PGBD5: variants seen among roughly 807,000 people sequenced by gnomAD.
PGBD5 encodes the protein piggyBac transposable element-derived protein 5.
In PGBD5, 14 loss-of-function variants were observed where a neutral mutation model predicts 47.9. The ratio of observed to expected loss-of-function variants is 0.29; its 90% CI spans 0.19 to 0.46. PGBD5 has a LOEUF of 0.46. PGBD5 is among the 20% of genes least tolerant of loss of function. The pLI is 1.00. For synonymous variants in PGBD5, 316 were observed against 306.3 expected (o/e 1.03, Z -0.33); for missense variants, 635 against 716.0 (o/e 0.89, Z 1.29).
chr1:230,330,831 A>G (rs1667202404), intron 5 of PGBD5, among the ~76,000 whole-genome samples: 4 of 152,226 alleles, frequency 2.6e-5, no homozygotes, highest in Admixed American at 2.6e-4. Context: ...ATGATGTAAA[A>G]TAGAATACTT....
chr1:230,343,660 A>C (rs953097941), intron 3 of PGBD5, among the ~76,000 whole-genome samples: 1 of 152,182 alleles, frequency 6.6e-6, no homozygotes, highest in Admixed American at 6.6e-5. Context: ...TGCCCTGCCC[A>C]GCTTCTGAAT....
In PGBD5 at chr1:230,425,992, G is replaced by A; in HGVS notation, c.-64C>T. On this transcript the variant is annotated 5_prime_UTR_variant, in exon 1 of 7. Transcript: ENST00000391860. The surrounding 1 kb of genome is among the most constrained non-coding windows in gnomAD (Gnocchi z 4.7). ...CTCCCAGCCGCACACGCCGGGCCCT[G>A]GGCCCGCGCCGCGGCCCGCCGCCCC... 3.7e-6 allele frequency: 3 copies of A among 813,846 alleles called. No individual in the cohort carries two copies. Among genetic ancestry groups the A allele is most frequent in the Non-Finnish European group, 4.4e-6 (3 of 677,958 alleles). 50.4% of individuals were successfully genotyped at this position (813,846 alleles called of 1,614,324 possible).
intron 3 of PGBD5, among the ~76,000 whole-genome samples, chr1:230,343,194 T>C (rs556872433): frequency 6.6e-6 from 1 of 152,318 alleles, no homozygotes; most frequent in African/African-American, 2.4e-5. Context: ...GGCTGCACCT[T>C]CAGCACCGCT....
At chr1:230,327,735 C>T (rs147156615) in intron 5 of PGBD5, among the ~76,000 whole-genome samples, 5 of 152,356 alleles carry the variant, frequency 3.3e-5, no homozygotes, top group East Asian at 1.9e-4. Flanking sequence ...CCAGGGAGGG[C>T]GTGCGGGCCT....
intron 1 of PGBD5, among the ~76,000 whole-genome samples, chr1:230,388,543 G>A (rs1470801371): frequency 6.6e-6 from 1 of 151,748 alleles, no homozygotes; most frequent in Non-Finnish European, 1.5e-5. Context: ...AGCTTCCCAA[G>A]TAGCTGGGAC....
At chr1:230,324,900 G>A (rs1224395480) in intron 6 of PGBD5, among the ~76,000 whole-genome samples, 1 of 152,200 alleles carries the variant, frequency 6.6e-6, no homozygotes, top group Non-Finnish European at 1.5e-5. Context: ...ATGTGACTTG[G>A]GGTAGAAGTG....
chr1:230,385,105 T>C (rs1422124813), intron 1 of PGBD5, among the ~76,000 whole-genome samples: 2 of 152,166 alleles, frequency 1.3e-5, no homozygotes, highest in African/African-American at 4.8e-5. Flanking sequence ...TCATATGATA[T>C]ATTCACACCC....
intron 1 of PGBD5, among the ~76,000 whole-genome samples, chr1:230,417,300 G>T (rs529208047): frequency 6.6e-6 from 1 of 151,940 alleles, no homozygotes; most frequent in African/African-American, 2.4e-5. Context: ...GAAGGACCCC[G>T]GTGCTTCTCC....
chr1:230,396,844 T>C (rs1341538976), intron 1 of PGBD5, among the ~76,000 whole-genome samples: 24 of 152,154 alleles, frequency 1.6e-4, no homozygotes, highest in Admixed American at 1.5e-3. Context: ...CATGGGATTG[T>C]GTGCGGAGCA....
chr1:230,348,562 G>C (rs1001339322), intron 3 of PGBD5, among the ~76,000 whole-genome samples: 1 of 152,176 alleles, frequency 6.6e-6, no homozygotes, highest in Non-Finnish European at 1.5e-5. Context: ...ACGGTGTAAG[G>C]TATTATTCTG....
At chr1:230,341,105 C>A (rs114499957) in intron 3 of PGBD5, among the ~76,000 whole-genome samples, 27 of 152,014 alleles carry the variant, frequency 1.8e-4, no homozygotes, top group Admixed American at 4.6e-4. Context: ...AAAGAGAGTC[C>A]CAAATGTGTG....
chr1:230,335,118 GAT>G (rs1667283484), intron 4 of PGBD5, among the ~76,000 whole-genome samples: 1 of 103,492 alleles, frequency 9.7e-6, no homozygotes, highest in African/African-American at 3.6e-5. Flanking sequence ...CAGATACACA[GAT>G]ACAGACACAT....
intron 5 of PGBD5, among the ~76,000 whole-genome samples, chr1:230,327,731 A>G (rs1667145499): frequency 6.6e-6 from 1 of 152,182 alleles, no homozygotes; most frequent in South Asian, 2.1e-4. Flanking sequence ...GGCGCCAGGG[A>G]GGGCGTGCGG....
chr1:230,330,246 G>A (rs150368765), intron 5 of PGBD5, among the ~76,000 whole-genome samples: 61 of 152,282 alleles, frequency 4.0e-4, no homozygotes, highest in African/African-American at 8.4e-4. Flanking sequence ...AAGTAGTGCC[G>A]GTAAAGCTGG....
intron 2 of PGBD5, among the ~76,000 whole-genome samples, chr1:230,351,795 G>C (rs1394027054): frequency 6.6e-6 from 1 of 151,916 alleles, no homozygotes; most frequent in African/African-American, 2.4e-5. Flanking sequence ...AGATTCCCAA[G>C]GCAATTTTGA....
At chr1:230,339,019 C>A (rs1667370325) in intron 3 of PGBD5, among the ~76,000 whole-genome samples, 1 of 152,158 alleles carries the variant, frequency 6.6e-6, no homozygotes, top group Non-Finnish European at 1.5e-5. Context: ...TCAACACCCA[C>A]ATTACTGTTT....
intron 1 of PGBD5, among the ~76,000 whole-genome samples, chr1:230,422,217 AC>A (rs1347917659): frequency 1.3e-5 from 2 of 152,198 alleles, no homozygotes; most frequent in Non-Finnish European, 2.9e-5. Flanking sequence ...CAAAGGACTG[AC>A]AAACCAAACA....
chr1:230,375,147 C>T (rs1184249601), intron 1 of PGBD5, among the ~76,000 whole-genome samples: 1 of 152,186 alleles, frequency 6.6e-6, no homozygotes, highest in Non-Finnish European at 1.5e-5. Flanking sequence ...GAAAGCAGTA[C>T]AGATCTCTAA....
intron 1 of PGBD5, among the ~76,000 whole-genome samples, chr1:230,413,915 AATGTAT>A (rs1657463680): frequency 6.6e-6 from 1 of 152,122 alleles, no homozygotes; most frequent in Non-Finnish European, 1.5e-5. Flanking sequence ...ATATCTGCCA[AATGTAT>A]GAAATGTATT....
Sources: allele counts gnomAD v4.1 joint callset (sites outside exome capture counted in the v4.1 genomes callset), GRCh38; gene constraint gnomAD v4.1.1; non-coding constraint Gnocchi (gnomAD v3.1); transcripts MANE v1.5; gene names NCBI Gene and HGNC (gene_info 2026-07-23, HGNC 2026-07-21).